Variants in PNPLA6 observed in about 807,000 individuals in gnomAD.
The protein encoded by PNPLA6 is patatin like domain 6, lysophospholipase.
Under a neutral mutation model 153.7 loss-of-function variants are expected in PNPLA6, and 105 were observed. The ratio of observed to expected loss-of-function variants is 0.68; its 90% CI spans 0.58 to 0.80. PNPLA6 has a LOEUF of 0.80. PNPLA6 is among the 30% of genes least tolerant of loss of function. The pLI is 0.00. For missense variants in PNPLA6, 1,423 were observed against 1,919.3 expected (o/e 0.74, Z 4.83); for synonymous variants, 825 against 822.2 (o/e 1.00, Z -0.06).
Position 7,555,185 on chromosome 19 carries a change from C to T in PNPLA6, c.2818-64C>T. The T allele has an allele frequency of 2.0e-6, 3 of 1,523,980 alleles. No homozygotes were observed. The highest frequency in any genetic ancestry group is 1.8e-6 in the Non-Finnish European group (2 of 1,122,100). The allele number at this position is 1,523,980 out of a possible 1,614,324, so 94.4% of individuals were successfully genotyped here. On this transcript the variant is annotated intron_variant, in intron 22 of 31. Transcript: ENST00000600737. The surrounding 1 kb of genome is among the most constrained non-coding windows in gnomAD (Gnocchi z 6.3). ...AGGACAGGCTCGAAGGTCAGGGTAC[C>T]CCTGGGGGATCCGCCGGACCCCGCC... is the stretch of plus-strand genomic sequence containing the variant.
Position 7,555,509 on chromosome 19 carries a change from C to G in PNPLA6, c.2937-98C>G. 6.9e-7 allele frequency: 1 copy of G among 1,456,322 alleles called. No homozygotes were observed. Among genetic ancestry groups the G allele is most frequent in the African/African-American group, 1.4e-5 (1 of 71,938 alleles). The allele number at this position is 1,456,322 out of a possible 1,614,324, so 90.2% of individuals were successfully genotyped here. On this transcript the variant is annotated intron_variant, in intron 23 of 31. Coordinates refer to ENST00000600737, the MANE Select transcript of PNPLA6 (RefSeq NM_001166114.2). This position sits in a 1 kb window ranked among gnomAD's most constrained non-coding sequence, Gnocchi z 6.3. ...GAGACCCCGTGGGTAGGGGCGGGTC[C>G]TTTGTTCCTTAGCAGTGCGGGAGGT...
rs1169014768 is a variant in PNPLA6 at position 7,554,626 on chromosome 19, C to T, written c.2537C>T (p.Thr846Met). Residue 846 changes from threonine (T) to methionine (M), a missense_variant, in exon 21 of 32, where the codon ACG (threonine) becomes ATG (methionine). Physicochemically the swap from Thr to Met is moderately conservative, Grantham distance 81 (BLOSUM62 -1). This residue lies in a region of PNPLA6 where 643 missense variants were observed against 835.2 expected (regional missense o/e 0.77). Coordinates refer to ENST00000600737, the MANE Select transcript of PNPLA6 (RefSeq NM_001166114.2). ...GCACACCGTATCGTACTCTACCAGA[C>T]GGACGCCTCGCTGACGCCCTGGACC... ...EDAHRIVLYQ[T>M]DASLTPWTVR... 3 of 1,614,068 alleles carry T rather than the reference C, an allele frequency of 1.9e-6. No individual in the cohort carries two copies. Among genetic ancestry groups the T allele is most frequent in the Non-Finnish European group, 2.5e-6 (3 of 1,180,014 alleles).
chr19:7,551,170 G>A, intron 17 of PNPLA6, 63 bp downstream of exon 17: 4 of 856,774 alleles, frequency 4.7e-6, no homozygotes, highest in Non-Finnish European at 3.6e-6. Flanking sequence ...TGGGGGCCGG[G>A]CCTAGTGTGT....
intron 13 of PNPLA6, among the ~76,000 whole-genome samples, chr19:7,547,641 CTTTAA>C (rs1384054297): frequency 2.6e-5 from 4 of 151,572 alleles, no homozygotes; most frequent in African/African-American, 9.7e-5. Context: ...CGCACTTGGC[CTTTAA>C]TTTATTTTAG....
intron 29 of PNPLA6, 74 bp downstream of exon 29, chr19:7,560,838 G>A (rs867389333): frequency 9.0e-5 from 93 of 1,034,466 alleles, no homozygotes; most frequent in African/African-American, 6.9e-4. Context: ...AAGTCTCCCC[G>A]AAACCTCAGA....
At chr19:7,542,970 C>T in intron 12 of PNPLA6, 37 bp from the exon 13 acceptor site, 1 of 1,613,724 alleles carries the variant, frequency 6.2e-7, no homozygotes, top group Non-Finnish European at 8.5e-7. Context: ...GCAAGGGAGG[C>T]CTGGCTGCGC....
In PNPLA6 at chr19:7,535,757, C is replaced by G. The variant is rs779842897; in HGVS notation, c.-32C>G. 2.0e-4 allele frequency: 311 copies of G among 1,520,208 alleles called. No individual in the cohort carries two copies. Among genetic ancestry groups the G allele is most frequent in the Admixed American group, 3.4e-4 (17 of 50,530 alleles). The allele number at this position is 1,520,208 out of a possible 1,614,324, so 94.2% of individuals were successfully genotyped here. ...GGGCCTCAGGGAAGAGTCGCGCCCC[C>G]GGGGAGGGAGCAGCACTGGCCCATT... On this transcript the variant is annotated 5_prime_UTR_variant, in exon 1 of 32. Transcript: ENST00000600737. This position sits in a 1 kb window ranked among gnomAD's most constrained non-coding sequence, Gnocchi z 5.0.
chr19:7,542,961 C>T (rs2023224159), intron 12 of PNPLA6, 33 bp downstream of exon 12: 1 of 1,613,752 alleles, frequency 6.2e-7, no homozygotes, highest in African/African-American at 1.3e-5. Context: ...GCACAGGGCG[C>T]AAGGGAGGCC....
At position 7,535,842 on chromosome 19, in the gene PNPLA6, G is replaced by C; in HGVS notation, c.54G>C (p.Ala18=). The change falls in exon 1 of 32, where the codon GCG becomes GCC. Residue 18 remains alanine (A), a synonymous_variant. Transcript: ENST00000600737. The surrounding 1 kb of genome is among the most constrained non-coding windows in gnomAD (Gnocchi z 5.0). ...CGAACTCCTCGGGGGCGAAGGTGGC[G>C]GAGAGGGATGGGTTCCAGGACGTCC... The part of the protein sequence containing the change: ...LATNSSGAKV[A]ERDGFQDVLA... 6.5e-7 allele frequency: 1 copy of C among 1,537,714 alleles called. No individual in the cohort carries two copies. Among genetic ancestry groups the C allele is most frequent in the South Asian group, 1.2e-5 (1 of 84,082 alleles).
In PNPLA6 at chr19:7,554,742, CT is replaced by C. The variant is rs544064102; in HGVS notation, c.2634+20del. ...CGGCCAGGTCGGAAGCCCGTGCCCC[CT>C]GATCTCACCCACCTCGGGTCCCGTC... is the stretch of plus-strand genomic sequence containing the variant. On this transcript the variant is annotated intron_variant, in intron 21 of 31. Coordinates refer to ENST00000600737, the MANE Select transcript of PNPLA6 (RefSeq NM_001166114.2). The C allele has an allele frequency of 1.1e-5, 17 of 1,610,338 alleles. 1 individual carries two copies. In the South Asian group the frequency reaches 1.2e-4, roughly 11 times the overall value.
Position 7,555,493 on chromosome 19 carries a change from TG to T in PNPLA6, c.2937-111del. ...AGCTTCCCCTCCGGGAGAGACCCCG[TG>T]GGTAGGGGCGGGTCCTTTGTTCCTT... On this transcript the variant is annotated intron_variant, in intron 23 of 31. Coordinates refer to ENST00000600737, the MANE Select transcript of PNPLA6 (RefSeq NM_001166114.2). This position sits in a 1 kb window ranked among gnomAD's most constrained non-coding sequence, Gnocchi z 6.3. 1 of 1,370,848 alleles carries T rather than the reference TG, an allele frequency of 7.3e-7. No homozygotes were observed. Among genetic ancestry groups the T allele is most frequent in the Non-Finnish European group, 1.0e-6 (1 of 992,290 alleles). The allele number at this position is 1,370,848 out of a possible 1,614,324, so 84.9% of individuals were successfully genotyped here. A position where few individuals can be genotyped will look rare whatever the true frequency, so the allele number is the denominator to read the frequency against.
rs377319496 is a variant in PNPLA6 at position 7,561,469 on chromosome 19, G to A, written c.4024-19G>A. On this transcript the variant is annotated intron_variant, in intron 31 of 31. Transcript: ENST00000600737. ...CAGTGTCCCGTGCTGGGTGACGTGT[G>A]TGTGACCTTCCCTCGCAGGAGGAGG... 6.3e-7 allele frequency: 1 copy of A among 1,597,682 alleles called. No individual in the cohort carries two copies. The highest frequency in any genetic ancestry group is 1.1e-5 in the South Asian group (1 of 88,760).
chr19:7,551,181 G>A (rs1474653753), intron 17 of PNPLA6, 74 bp downstream of exon 17: 18 of 1,071,450 alleles, frequency 1.7e-5, no homozygotes, highest in Non-Finnish European at 2.4e-5. Flanking sequence ...CCTAGTGTGT[G>A]GGCGGGGCTT....
intron 27 of PNPLA6, 42 bp from the exon 28 acceptor site, chr19:7,558,808 G>GC: frequency 6.6e-7 from 1 of 1,509,344 alleles, no homozygotes; most frequent in Non-Finnish European, 9.0e-7. Context: ...TCTGCCCCGG[G>GC]CCCCCGAGGG....
chr19:7,551,472 T>A (rs1312738894), intron 18 of PNPLA6, 35 bp downstream of exon 18: 3 of 1,547,052 alleles, frequency 1.9e-6, no homozygotes, highest in South Asian at 2.2e-5. Flanking sequence ...TGCTGGGAGA[T>A]GTAGTCCGGC....
In PNPLA6 at chr19:7,541,638, A is replaced by C. The variant is rs964715857; in HGVS notation, c.1122A>C (p.Pro374=). ...CTACAGACGAGCCCAGGGAGACCCCAGGGCGGCCACCCGATCCCACCGGGG... is the reference window on the plus strand; with the variant it reads ...CTACAGACGAGCCCAGGGAGACCCCCGGGCGGCCACCCGATCCCACCGGGG... ...TSATDEPRET[P]GRPPDPTGAP... The change falls in exon 9 of 32, where the codon CCA becomes CCC. Residue 374 remains proline (P), a synonymous_variant. Coordinates refer to ENST00000600737, the MANE Select transcript of PNPLA6 (RefSeq NM_001166114.2). The surrounding 1 kb of genome is among the most constrained non-coding windows in gnomAD (Gnocchi z 5.2). 1.3e-6 allele frequency: 2 copies of C among 1,586,798 alleles called. No individual in the cohort carries two copies. Among genetic ancestry groups the C allele is most frequent in the Non-Finnish European group, 1.7e-6 (2 of 1,167,464 alleles).
At chr19:7,549,486 T>G (rs1167608923) in intron 13 of PNPLA6, among the ~76,000 whole-genome samples, 15 of 49,834 alleles carry the variant, frequency 3.0e-4, no homozygotes, top group African/African-American at 1.0e-3. Flanking sequence ...GCGCCTGGCC[T>G]TCTTCTTCTT....
At chr19:7,539,180 C>A (rs491518) in intron 3 of PNPLA6, among the ~76,000 whole-genome samples, 42,098 of 152,142 alleles carry the variant, frequency 0.28, 6,368 homozygotes, top group East Asian at 0.41. Context: ...CTTTATTTAC[C>A]AAAATAAATG....
chr19:7,558,436 A>G (rs1202642546), intron 27 of PNPLA6, among the ~76,000 whole-genome samples: 1 of 152,236 alleles, frequency 6.6e-6, no homozygotes, highest in Non-Finnish European at 1.5e-5. Context: ...ATTCGAGGCC[A>G]GCCTGGCCAA....
Sources: gnomAD v4.1 joint callset for allele counts (sites outside exome capture counted in the v4.1 genomes callset) on GRCh38, gnomAD v4.1.1 for gene constraint, gnomAD v4.1.1 regional missense constraint, Gnocchi (gnomAD v3.1) non-coding constraint, MANE v1.5 for transcripts, NCBI Gene and HGNC (gene_info 2026-07-23, HGNC 2026-07-21) for gene names.